Variants in MS4A6A observed in about 807,000 individuals in gnomAD.
MS4A6A encodes membrane-spanning 4-domains subfamily A member 6A.
In MS4A6A, 19 loss-of-function variants were observed where a neutral mutation model predicts 20.6. The observed-to-expected ratio is 0.92, with a 90% CI of 0.64 to 1.36. The LOEUF is 1.36. Ranked by LOEUF, MS4A6A falls within the 40% of genes most tolerant of loss-of-function variation. MS4A6A has a pLI of 0.00. For missense variants in MS4A6A, 272 were observed against 261.1 expected (o/e 1.04, Z -0.29); for synonymous variants, 108 against 105.0 (o/e 1.03, Z -0.17).
At chr11:60,175,165 C>T (rs1242972494) in intron 5 of MS4A6A, among the ~76,000 whole-genome samples, 1 of 152,206 alleles carries the variant, frequency 6.6e-6, no homozygotes, top group Non-Finnish European at 1.5e-5. Context: ...AGAACCTCTA[C>T]AAACAGTAAG....
chr11:60,176,713 T>C (rs1157149676), intron 4 of MS4A6A, among the ~76,000 whole-genome samples: 1 of 152,224 alleles, frequency 6.6e-6, no homozygotes, highest in Non-Finnish European at 1.5e-5. Context: ...GTAGTATTCT[T>C]GATGCCTAGA....
At position 60,183,065 on chromosome 11, in the gene MS4A6A, C is replaced by T; in HGVS notation, c.-102G>A. The T allele has an allele frequency of 6.7e-7, 1 of 1,500,666 alleles. No individual in the cohort carries two copies. Among genetic ancestry groups the T allele is most frequent in the South Asian group, 1.3e-5 (1 of 77,346 alleles). The allele number at this position is 1,500,666 out of a possible 1,614,324, so 93.0% of individuals were successfully genotyped here. A position where few individuals can be genotyped will look rare whatever the true frequency, so the allele number is the denominator to read the frequency against. On this transcript the variant is annotated 5_prime_UTR_variant, in exon 1 of 6. Coordinates refer to ENST00000528851, the MANE Select transcript of MS4A6A (RefSeq NM_022349.4). The stretch of plus-strand genomic sequence containing the variant: ...CAGTCCCATCAACGGTTTCTACTTA[C>T]CTTCATCTTCTGAAAGTCATCAGCC...
chr11:60,182,052 C>G (rs1857162760), intron 1 of MS4A6A, among the ~76,000 whole-genome samples: 1 of 152,186 alleles, frequency 6.6e-6, no homozygotes, highest in African/African-American at 2.4e-5. Context: ...TCCCTTTCCT[C>G]TAGTCCTACT....
chr11:60,171,948 C>A (rs959283016), downstream of MS4A6A: 7 of 430,306 alleles, frequency 1.6e-5, 1 homozygote, highest in Admixed American at 3.7e-5. Flanking sequence ...TAATTTACAG[C>A]CCCGTGCTTT....
At chr11:60,173,532 CTCTT>C (rs1164507346) in intron 5 of MS4A6A, among the ~76,000 whole-genome samples, 2 of 152,182 alleles carry the variant, frequency 1.3e-5, no homozygotes, top group African/African-American at 2.4e-5. Context: ...ACAAGTCTCT[CTCTT>C]TCTCTAGCTC....
At position 60,178,269 on chromosome 11, in the gene MS4A6A, G is replaced by T. The variant is rs1313356318; in HGVS notation, c.330C>A (p.Thr110=). 3 of 1,612,822 alleles carry T rather than the reference G, an allele frequency of 1.9e-6. No homozygotes were observed. The highest frequency in any genetic ancestry group is 2.2e-5 in the South Asian group (2 of 91,024). The part of the protein sequence containing the change: ...SLSIATEKRL[T]KLLVHSSLVG... ...TAGCTCTCTTACTCACCAAAAGCTT[G>T]GTTAACCTTTTCTCTGTGGCGATTG... The change falls in exon 4 of 6, where the codon ACC becomes ACA. Residue 110 remains threonine (T), a synonymous_variant. Transcript: ENST00000528851.
upstream of MS4A6A, chr11:60,183,257 T>C: frequency 7.4e-7 from 1 of 1,346,392 alleles, no homozygotes; most frequent in Admixed American, 2.0e-5. Context: ...GAGCCTTATG[T>C]GTGAATTGCC....
intron 3 of MS4A6A, chr11:60,178,955 C>T: frequency 3.4e-6 from 1 of 293,746 alleles, no homozygotes; most frequent in Non-Finnish European, 6.6e-6. Flanking sequence ...CCTAGAGGAC[C>T]CTGAGGAGAC....
chr11:60,183,426 T>A (rs926916125), upstream of MS4A6A: 8 of 483,848 alleles, frequency 1.7e-5, no homozygotes, highest in Non-Finnish European at 2.9e-5. Context: ...AAGCTTTCAA[T>A]AACATGTAAC....
chr11:60,184,198 T>A (rs1232838077), upstream of MS4A6A: 2 of 152,256 alleles, frequency 1.3e-5, no homozygotes, highest in African/African-American at 4.8e-5. Context: ...AGCGTCTGAA[T>A]GACACAGACA....
chr11:60,182,635 A>G (rs1267634780), intron 1 of MS4A6A: 1 of 152,546 alleles, frequency 6.6e-6, no homozygotes, highest in African/African-American at 2.4e-5. Context: ...AAGACCAAGT[A>G]GGTTGTGGTA....
chr11:60,174,029 C>A (rs551936141), intron 5 of MS4A6A, among the ~76,000 whole-genome samples: 1 of 152,328 alleles, frequency 6.6e-6, no homozygotes, highest in South Asian at 2.1e-4. Flanking sequence ...GTAAAATCGT[C>A]CCATCATGAA....
At chr11:60,173,971 G>C (rs892115923) in intron 5 of MS4A6A, among the ~76,000 whole-genome samples, 1 of 152,146 alleles carries the variant, frequency 6.6e-6, no homozygotes, top group East Asian at 1.9e-4. Flanking sequence ...TCCATTACTG[G>C]AAATTGTTCC....
At chr11:60,179,642 G>A (rs1052096685) in intron 3 of MS4A6A, 189 bp downstream of exon 3, 5 of 669,496 alleles carry the variant, frequency 7.5e-6, no homozygotes, top group African/African-American at 1.8e-5. Flanking sequence ...ATGTTTATTT[G>A]AGTCTGATAA....
intron 4 of MS4A6A, 22 bp downstream of exon 4, chr11:60,178,238 G>T (rs761179757): frequency 6.3e-7 from 1 of 1,598,716 alleles, no homozygotes; most frequent in Non-Finnish European, 8.6e-7. Flanking sequence ...ATTGGGTTGT[G>T]GGTTATAGCT....
At chr11:60,177,122 A>G (rs550830278) in intron 4 of MS4A6A, 12 of 152,310 alleles carry the variant, frequency 7.9e-5, no homozygotes, top group African/African-American at 2.6e-4. Flanking sequence ...GTGCATTTCC[A>G]TCATCATAGA....
chr11:60,178,801 T>C (rs1046036496), intron 3 of MS4A6A: 14 of 439,872 alleles, frequency 3.2e-5, no homozygotes, highest in African/African-American at 1.2e-4. Flanking sequence ...TACCTCATCA[T>C]CACCACCCAA....
rs1857143610 is a variant in MS4A6A, at chr11:60,181,684, G to T, written c.44C>A (p.Pro15Gln). The T allele has an allele frequency of 2.5e-6, 4 of 1,613,960 alleles. No homozygotes were observed. In the East Asian group the frequency reaches 6.7e-5, roughly 27 times the overall value. The change falls in exon 2 of 6, where the codon CCA becomes CAA. Residue 15 changes from proline (P) to glutamine (Q), a missense_variant. Transcript: ENST00000528851. The part of the protein sequence containing the change: ...PVPNETIIVL[P>Q]SNVINFSQAE... ...TTGGGAGAAGTTGATGACATTTGAT[G>T]GGAGCACTATGATGGTCTCATTGGG...
Position 60,181,589 on chromosome 11 carries a change from C to A in MS4A6A, c.139G>T (p.Val47Phe). The A allele has an allele frequency of 1.2e-6, 2 of 1,614,048 alleles. No homozygotes were observed. Among genetic ancestry groups the A allele is most frequent in the Non-Finnish European group, 1.7e-6 (2 of 1,179,968 alleles). The change falls in exon 2 of 6, where the codon GTT (valine) becomes TTT (phenylalanine). Residue 47 changes from valine to phenylalanine, a missense_variant. Coordinates refer to ENST00000528851, the MANE Select transcript of MS4A6A (RefSeq NM_022349.4). ...LKKHLHAEIK[V>F]IGTIQILCGM... The stretch of plus-strand genomic sequence containing the variant: ...TTCTGAATTAGATTTACCCCAATAA[C>A]TTTGATTTCTGCGTGTAGATGTTTC...
Sources: gnomAD v4.1 joint callset for allele counts (sites outside exome capture counted in the v4.1 genomes callset) on GRCh38, gnomAD v4.1.1 for gene constraint, MANE v1.5 for transcripts, NCBI Gene and HGNC (gene_info 2026-07-23, HGNC 2026-07-21) for gene names.